Variants in PTGFRN observed in about 807,000 individuals in gnomAD.
PTGFRN encodes the protein prostaglandin F2 receptor negative regulator.
Under a neutral mutation model 83.2 loss-of-function variants are expected in PTGFRN, and 35 were observed. The ratio of observed to expected loss-of-function variants is 0.42; its 90% confidence interval spans 0.32 to 0.56. The LOEUF (loss-of-function observed/expected upper bound fraction) is 0.56, where lower values mean the gene tolerates loss of function less well. Ranked by LOEUF, PTGFRN falls within the 20% of genes least tolerant of loss-of-function variation. The pLI is 0.11. For missense variants in PTGFRN, 1,051 were observed against 1,179.5 expected (o/e 0.89, Z 1.60); for synonymous variants, 519 against 498.6 (o/e 1.04, Z -0.55).
At chr1:116,974,448 G>C in intron 7 of PTGFRN, 125 bp downstream of exon 7, 1 of 711,234 alleles carries the variant, frequency 1.4e-6, no homozygotes, top group Non-Finnish European at 2.4e-6. Context: ...TAACTGCCTG[G>C]CCCAGTACTT....
At chr1:116,928,989 A>C (rs1649723839) in intron 1 of PTGFRN, among the ~76,000 whole-genome samples, 1 of 152,068 alleles carries the variant, frequency 6.6e-6, no homozygotes, top group Non-Finnish European at 1.5e-5. Context: ...TCCAGACTTA[A>C]ACATCCAGCT....
At chr1:116,946,450 A>G (rs1401338636) in intron 3 of PTGFRN, among the ~76,000 whole-genome samples, 3 of 152,230 alleles carry the variant, frequency 2.0e-5, no homozygotes, top group Non-Finnish European at 2.9e-5. Context: ...TCGCTCTGCA[A>G]TCTGCCCTAA....
intron 6 of PTGFRN, 46 bp downstream of exon 6, chr1:116,967,376 C>G (rs1472350648): frequency 6.5e-7 from 1 of 1,547,478 alleles, no homozygotes; most frequent in East Asian, 2.3e-5. Context: ...TAGAAGAGAC[C>G]CTAGGGTTTT....
intron 1 of PTGFRN, among the ~76,000 whole-genome samples, chr1:116,932,218 C>T (rs1649818568): frequency 6.6e-6 from 1 of 152,204 alleles, no homozygotes; most frequent in Admixed American, 6.5e-5. Flanking sequence ...GTGTAGTCTT[C>T]ATTGCCTTGT....
chr1:116,937,218 G>A (rs1291325209), intron 1 of PTGFRN, among the ~76,000 whole-genome samples: 3 of 150,504 alleles, frequency 2.0e-5, no homozygotes, highest in African/African-American at 7.3e-5. Context: ...AAGAGGAACA[G>A]ACAGGAAGTC....
intron 3 of PTGFRN, among the ~76,000 whole-genome samples, chr1:116,945,603 C>G (rs1255993501): frequency 1.3e-5 from 2 of 152,134 alleles, no homozygotes; most frequent in East Asian, 3.9e-4. Flanking sequence ...CTTTCGGTCC[C>G]CTCAGATGTG....
intron 4 of PTGFRN, among the ~76,000 whole-genome samples, chr1:116,953,213 GCCCCT>G (rs1650392572): frequency 6.6e-6 from 1 of 152,162 alleles, no homozygotes. Context: ...TGAAGGACTG[GCCCCT>G]CTTCAGCAGT....
chr1:116,951,729 G>T (rs1327323420), intron 4 of PTGFRN, among the ~76,000 whole-genome samples: 1 of 151,856 alleles, frequency 6.6e-6, no homozygotes, highest in African/African-American at 2.4e-5. Flanking sequence ...CATTACAGCT[G>T]CTTGGACACT....
chr1:116,917,436 G>T (rs1056075825), intron 1 of PTGFRN, among the ~76,000 whole-genome samples: 2 of 152,176 alleles, frequency 1.3e-5, no homozygotes, highest in African/African-American at 4.8e-5. Flanking sequence ...TGGCACAGGG[G>T]GGTTGGGGTG....
In PTGFRN at chr1:116,941,907, A is replaced by C. The variant is rs778155592; in HGVS notation, c.242A>C (p.Gln81Pro). The C allele has an allele frequency of 2.5e-6, 4 of 1,614,056 alleles. No individual in the cohort carries two copies. In the Admixed American group the frequency reaches 5.0e-5, roughly 20 times the overall value. Residue 81 changes from glutamine (Q) to proline (P), a missense_variant, in exon 2 of 9, where the codon CAG becomes CCG. Gln to Pro is a moderately conservative substitution (Grantham distance 76). Around this residue, in one of 3 missense-constraint regions of PTGFRN, gnomAD observed 127 missense variants for 168.4 expected, o/e 0.75. Coordinates refer to ENST00000393203, the MANE Select transcript of PTGFRN (RefSeq NM_020440.4). The surrounding 1 kb of genome is among the most constrained non-coding windows in gnomAD (Gnocchi z 5.0). ...ASTWEVGFPA[Q>P]LYQERLQRGE... ...ACCTGGGAGGTGGGGTTCCCAGCCC[A>C]GCTGTACCAGGAGCGGCTGCAGAGG...
rs1421704459 is a variant in PTGFRN at position 116,988,138 on chromosome 1, A to G, written c.*1171A>G. On this transcript the variant is annotated 3_prime_UTR_variant, in exon 9 of 9. Transcript: ENST00000393203. ...TACCTAGAAGCACCATGTTTTTTCTATGACCTTTTCAGTCCTTCAGGTCAT... is the reference window on the plus strand; with the variant it reads ...TACCTAGAAGCACCATGTTTTTTCTGTGACCTTTTCAGTCCTTCAGGTCAT... 6 of 152,216 alleles carry G rather than the reference A, an allele frequency of 3.9e-5. No homozygotes were observed. Among genetic ancestry groups the G allele is most frequent in the Non-Finnish European group, 8.8e-5 (6 of 68,036 alleles). The allele number at this position is 152,216 out of a possible 1,614,324, so 9.4% of individuals were successfully genotyped here. A position where few individuals can be genotyped will look rare whatever the true frequency, so the allele number is the denominator to read the frequency against.
At chr1:116,933,385 C>T (rs1255391669) in intron 1 of PTGFRN, among the ~76,000 whole-genome samples, 4 of 152,046 alleles carry the variant, frequency 2.6e-5, no homozygotes, top group African/African-American at 2.4e-5. Flanking sequence ...ATTTAAGCTC[C>T]AATGTATTCC....
At chr1:116,948,082 C>T (rs1432086202) in intron 3 of PTGFRN, among the ~76,000 whole-genome samples, 3 of 152,198 alleles carry the variant, frequency 2.0e-5, no homozygotes, top group Admixed American at 6.5e-5. Context: ...CCTGAGCTTA[C>T]TGGGGCCAGC....
intron 7 of PTGFRN, among the ~76,000 whole-genome samples, chr1:116,978,041 A>G (rs989928010): frequency 1.2e-4 from 18 of 152,224 alleles, no homozygotes; most frequent in Non-Finnish European, 1.5e-4. Flanking sequence ...TAAAGGGGAT[A>G]TCACCACTGA....
chr1:116,989,718 A>G lies in PTGFRN; in HGVS notation c.*2751A>G, dbSNP rs1651654748. ...CATACACGTTTCACTTTGAAAAAAAATGCAAATCGACTTTTTAACAACTGT... is the reference window on the plus strand; with the variant it reads ...CATACACGTTTCACTTTGAAAAAAAGTGCAAATCGACTTTTTAACAACTGT... On this transcript the variant is annotated 3_prime_UTR_variant, in exon 9 of 9. Coordinates refer to ENST00000393203, the MANE Select transcript of PTGFRN (RefSeq NM_020440.4). 1 of 152,634 alleles carries G rather than the reference A, an allele frequency of 6.6e-6. No individual in the cohort carries two copies. The highest frequency in any genetic ancestry group is 6.5e-5 in the Admixed American group (1 of 15,284). 9.5% of individuals were successfully genotyped at this position (152,634 alleles called of 1,614,324 possible).
At chr1:116,934,117 CTT>C (rs1649864032) in intron 1 of PTGFRN, among the ~76,000 whole-genome samples, 3 of 151,754 alleles carry the variant, frequency 2.0e-5, no homozygotes, top group African/African-American at 7.3e-5. Flanking sequence ...CTTTTACTGA[CTT>C]TTGTTTTATT....
chr1:116,910,243 C>T lies in PTGFRN; in HGVS notation c.40C>T (p.Leu14=), dbSNP rs1319780185. The change falls in exon 1 of 9, where the codon CTG becomes TTG. Residue 14 remains leucine (L), a synonymous_variant. Transcript: ENST00000393203. ...CTCGAGGCCGCTGCTGCTGGCGCTCCTGTCGTTGGGTGAGTGTGCGCGGGG... is the reference window on the plus strand; with the variant it reads ...CTCGAGGCCGCTGCTGCTGGCGCTCTTGTCGTTGGGTGAGTGTGCGCGGGG... ...LASRPLLLAL[L]SLALCRGRVV... 4 of 1,454,400 alleles carry T rather than the reference C, an allele frequency of 2.8e-6. No individual in the cohort carries two copies. The East Asian group carries it at 1.1e-4, about 40-fold the overall frequency. 90.1% of individuals were successfully genotyped at this position (1,454,400 alleles called of 1,614,324 possible).
Position 116,988,925 on chromosome 1 carries a change from A to G in PTGFRN, c.*1958A>G, listed in dbSNP as rs148040693. On this transcript the variant is annotated 3_prime_UTR_variant, in exon 9 of 9. Transcript: ENST00000393203. ...GATTTGGGTATTTTCTGCATGTCAT[A>G]ACATATCCTAACTGCTATTTCAGAA... 1 of 152,286 alleles carries G rather than the reference A, an allele frequency of 6.6e-6. No individual in the cohort carries two copies. The highest frequency in any genetic ancestry group is 1.5e-5 in the Non-Finnish European group (1 of 68,050). 9.4% of individuals were successfully genotyped at this position (152,286 alleles called of 1,614,324 possible).
Position 116,952,016 on chromosome 1 carries a change from A to C in PTGFRN, c.1213+2444A>C, listed in dbSNP as rs1245992945. On this transcript the variant is annotated intron_variant, in intron 4 of 8. Coordinates refer to ENST00000393203, the MANE Select transcript of PTGFRN (RefSeq NM_020440.4). This position sits in a 1 kb window ranked among gnomAD's most constrained non-coding sequence, Gnocchi z 4.0. ...ATGTAACTCTGGAATGTTGTCACAG[A>C]AAAGTTTTCGAGAGAGTTGGTTTGC... Among the ~76,000 whole-genome samples the C allele has an allele frequency of 6.6e-6, 1 of 152,232 alleles. No homozygotes were observed.
Sources: allele counts gnomAD v4.1 joint callset (sites outside exome capture counted in the v4.1 genomes callset), GRCh38; gene constraint gnomAD v4.1.1; regional missense constraint gnomAD v4.1.1; non-coding constraint Gnocchi (gnomAD v3.1); transcripts MANE v1.5; gene names NCBI Gene and HGNC (gene_info 2026-07-23, HGNC 2026-07-21).